MYZAP: variants seen among roughly 807,000 people sequenced by gnomAD.
MYZAP encodes the protein myocardial zonula adherens protein, also known as GRINL1A complex locus upstream.
MYZAP carries 66 observed loss-of-function variants against 69.4 expected under a neutral mutation model. The observed-to-expected ratio is 0.95, with a 90% CI of 0.78 to 1.17. MYZAP has a LOEUF of 1.17. Ranked by LOEUF, MYZAP falls within the 50% of genes most tolerant of loss-of-function variation. The pLI is 0.00. For synonymous variants in MYZAP, 256 were observed against 205.9 expected (o/e 1.24, Z -2.09); for missense variants, 611 against 556.2 (o/e 1.10, Z -0.99).
intron 12 of MYZAP, among the ~76,000 whole-genome samples, chr15:57,676,410 GTATATATATGTGTATA>G (rs1270383615): frequency 2.7e-4 from 7 of 25,618 alleles, no homozygotes; most frequent in East Asian, 2.8e-3. Context: ...ATATATATAT[GTATATATATGTGTATA>G]TATATATATG....
At position 57,625,767 on chromosome 15, in the gene MYZAP, C is replaced by T. The variant is rs140782627; in HGVS notation, c.412-12C>T. On this transcript the variant is annotated splice_polypyrimidine_tract_variant and intron_variant, in intron 4 of 12. Transcript: ENST00000267853. Reference sequence around the variant, plus strand: ...GATTGATTTTGTGTGACTGTCTCCTCGATCTGTCCAGGTTTCCCATGCTCA... The same window carrying T: ...GATTGATTTTGTGTGACTGTCTCCTTGATCTGTCCAGGTTTCCCATGCTCA... The T allele has an allele frequency of 3.6e-4, 587 of 1,613,264 alleles. 1 individual carries two copies. In the African/African-American group the frequency reaches 6.6e-3, roughly 18 times the overall value.
chr15:57,624,207 C>T (rs1301165403), intron 4 of MYZAP, among the ~76,000 whole-genome samples: 1 of 152,048 alleles, frequency 6.6e-6, no homozygotes, highest in Non-Finnish European at 1.5e-5. Context: ...ATTAATATTC[C>T]CAAAGATAAA....
At chr15:57,624,249 GA>G (rs1447634791) in intron 4 of MYZAP, among the ~76,000 whole-genome samples, 2 of 152,152 alleles carry the variant, frequency 1.3e-5, no homozygotes, top group Admixed American at 1.3e-4. Context: ...CCTTCCATAA[GA>G]GTTAATATCT....
At chr15:57,605,234 G>C (rs975588852) in intron 2 of MYZAP, among the ~76,000 whole-genome samples, 5 of 152,170 alleles carry the variant, frequency 3.3e-5, no homozygotes, top group Non-Finnish European at 4.4e-5. Flanking sequence ...GACAAGAATG[G>C]AAGTAAACAA....
chr15:57,626,035 C>T (rs2036114231), intron 5 of MYZAP, 143 bp downstream of exon 5: 1 of 740,754 alleles, frequency 1.3e-6, no homozygotes, highest in Non-Finnish European at 2.3e-6. Context: ...AGACTGTGCC[C>T]AGAAGACAGT....
intron 11 of MYZAP, among the ~76,000 whole-genome samples, chr15:57,665,328 C>A (rs941342478): frequency 6.6e-6 from 1 of 152,118 alleles, no homozygotes; most frequent in Admixed American, 6.5e-5. Flanking sequence ...CAGTTGGCCC[C>A]GATATTTGCA....
chr15:57,636,013 TG>T (rs1441042142), intron 8 of MYZAP, among the ~76,000 whole-genome samples: 1 of 152,236 alleles, frequency 6.6e-6, no homozygotes, highest in African/African-American at 2.4e-5. Flanking sequence ...TGTTTACAAA[TG>T]TAAGAAATAA....
chr15:57,666,010 A>G (rs1343093275), intron 11 of MYZAP, among the ~76,000 whole-genome samples: 1 of 152,242 alleles, frequency 6.6e-6, no homozygotes, highest in African/African-American at 2.4e-5. Flanking sequence ...CTTGAAAGAA[A>G]CTTTTTATGA....
At chr15:57,647,215 A>C (rs2037488800) in intron 10 of MYZAP, 1 of 985,330 alleles carries the variant, frequency 1.0e-6, no homozygotes, top group African/African-American at 1.7e-5. Context: ...GGGGATGGGA[A>C]AGAAGCAGAT....
At chr15:57,642,351 C>T (rs765938121) in intron 10 of MYZAP, among the ~76,000 whole-genome samples, 1 of 152,210 alleles carries the variant, frequency 6.6e-6, no homozygotes, top group Non-Finnish European at 1.5e-5. Context: ...GTAACTAAAT[C>T]ACTTCAGATC....
intron 12 of MYZAP, among the ~76,000 whole-genome samples, chr15:57,681,550 G>A (rs745991361): frequency 2.6e-5 from 4 of 152,210 alleles, no homozygotes; most frequent in Non-Finnish European, 4.4e-5. Context: ...TTGGGAGGCC[G>A]AGTTGGGCGG....
At chr15:57,678,145 T>G (rs1213384665) in intron 12 of MYZAP, among the ~76,000 whole-genome samples, 2 of 152,006 alleles carry the variant, frequency 1.3e-5, no homozygotes, top group Admixed American at 6.6e-5. Flanking sequence ...GTGGATTGCC[T>G]GAGCTCCAGA....
At chr15:57,609,216 G>C (rs577729229) in intron 2 of MYZAP, among the ~76,000 whole-genome samples, 2 of 152,200 alleles carry the variant, frequency 1.3e-5, no homozygotes, top group Non-Finnish European at 2.9e-5. Context: ...CTTAATGAAT[G>C]CTTATTGATT....
intron 2 of MYZAP, among the ~76,000 whole-genome samples, chr15:57,606,866 G>T (rs1227089108): frequency 6.6e-6 from 1 of 152,176 alleles, no homozygotes; most frequent in Non-Finnish European, 1.5e-5. Flanking sequence ...GGCTCTTTCA[G>T]CTTCTGTGTA....
At chr15:57,667,616 C>T (rs1219859198) in intron 11 of MYZAP, among the ~76,000 whole-genome samples, 3 of 152,274 alleles carry the variant, frequency 2.0e-5, no homozygotes, top group South Asian at 2.1e-4. Context: ...TGTATCAAAT[C>T]GGTTAATTTA....
At chr15:57,633,872 G>C in intron 8 of MYZAP, 131 bp downstream of exon 8, 1 of 1,102,006 alleles carries the variant, frequency 9.1e-7, no homozygotes, top group Non-Finnish European at 1.2e-6. Flanking sequence ...AAAAGACAAA[G>C]CTATAAAATA....
intron 11 of MYZAP, among the ~76,000 whole-genome samples, chr15:57,663,211 A>C (rs4578589): frequency 4.6e-3 from 639 of 139,888 alleles, no homozygotes; most frequent in South Asian, 5.6e-3. Flanking sequence ...AGTGCCCCCC[A>C]CCCCCACCTC....
At position 57,646,720 on chromosome 15, in the gene MYZAP, G is replaced by T. The variant is rs547172807; in HGVS notation, c.1119+7175G>T. On this transcript the variant is annotated intron_variant, in intron 10 of 12. Coordinates refer to ENST00000267853, the MANE Select transcript of MYZAP (RefSeq NM_001018100.5). ...GTATATGGGAGGTGGCCCTGAAGGT[G>T]TCCTTCCTGAATGGATATCAATACT... 7.3e-5 allele frequency: 72 copies of T among 986,608 alleles called. No individual in the cohort carries two copies. In the African/African-American group the frequency reaches 1.2e-3, roughly 17 times the overall value. 61.1% of individuals were successfully genotyped at this position (986,608 alleles called of 1,614,324 possible). A position where few individuals can be genotyped will look rare whatever the true frequency, so the allele number is the denominator to read the frequency against.
At chr15:57,622,168 TACAC>T (rs1193440583) in intron 4 of MYZAP, among the ~76,000 whole-genome samples, 1 of 151,882 alleles carries the variant, frequency 6.6e-6, no homozygotes, top group East Asian at 1.9e-4. Flanking sequence ...TAAAATTTTA[TACAC>T]ACACACACAG....
Sources: gnomAD v4.1 joint callset for allele counts (sites outside exome capture counted in the v4.1 genomes callset) on GRCh38, gnomAD v4.1.1 for gene constraint, MANE v1.5 for transcripts, NCBI Gene and HGNC (gene_info 2026-07-23, HGNC 2026-07-21) for gene names.